Variants in ADAMTSL1 observed in about 807,000 individuals in gnomAD.
ADAMTSL1 encodes the protein ADAMTS-like protein 1.
ADAMTSL1 carries 126 observed loss-of-function variants against 201.8 expected under a neutral mutation model. That is an observed-to-expected ratio of 0.62 (90% CI 0.54 to 0.72). ADAMTSL1 has a LOEUF of 0.72. Ranked by LOEUF, ADAMTSL1 falls within the 30% of genes least tolerant of loss-of-function variation. The pLI is 0.00. For missense variants in ADAMTSL1, 2,679 were observed against 2,277.8 expected (o/e 1.18, Z -3.59); for synonymous variants, 1,121 against 903.4 (o/e 1.24, Z -4.32).
intron 15 of ADAMTSL1, among the ~76,000 whole-genome samples, chr9:18,727,246 G>A (rs138842096): frequency 4.6e-5 from 7 of 152,178 alleles, no homozygotes; most frequent in Non-Finnish European, 8.8e-5. Context: ...TGTTTTAAAG[G>A]TTACTGTTTC....
chr9:18,519,063 G>C (rs1818530719), intron 2 of ADAMTSL1, among the ~76,000 whole-genome samples: 2 of 152,198 alleles, frequency 1.3e-5, no homozygotes, highest in South Asian at 4.2e-4. Context: ...ACTCACCTGT[G>C]AAAATCCTAA....
intron 3 of ADAMTSL1, among the ~76,000 whole-genome samples, chr9:18,542,150 A>G (rs559182347): frequency 6.6e-6 from 1 of 152,344 alleles, no homozygotes; most frequent in South Asian, 2.1e-4. Flanking sequence ...TTTATAATGA[A>G]CACATATTCC....
At chr9:18,074,519 CTT>C (rs758458233) in intron 1 of ADAMTSL1, among the ~76,000 whole-genome samples, 65 of 139,868 alleles carry the variant, frequency 4.6e-4, no homozygotes, top group African/African-American at 1.8e-3. Flanking sequence ...TTCTTCTTTT[CTT>C]TTCTTTTCTT....
At chr9:18,062,795 A>G (rs971957609) in intron 1 of ADAMTSL1, among the ~76,000 whole-genome samples, 3 of 152,186 alleles carry the variant, frequency 2.0e-5, no homozygotes, top group African/African-American at 7.2e-5. Context: ...TTAAAAAATG[A>G]TTTTTAAAAT....
In ADAMTSL1 at chr9:18,799,981, T is replaced by C. The variant is rs563681432; in HGVS notation, c.3805+4457T>C. ...TGAATTTTTCACCCAGCAGTTCTGT[T>C]AACAAAGGAGAGTTTTGCTTCATAA... On this transcript the variant is annotated intron_variant, in intron 20 of 28. Coordinates refer to ENST00000380548, the MANE Select transcript of ADAMTSL1 (RefSeq NM_001040272.6). Among the ~76,000 whole-genome samples the C allele has an allele frequency of 3.9e-5, 6 of 152,298 alleles. No homozygotes were observed. The South Asian group carries it at 1.2e-3, about 32-fold the overall frequency.
At chr9:18,475,803 T>C (rs1371624518) in intron 1 of ADAMTSL1, among the ~76,000 whole-genome samples, 1 of 152,168 alleles carries the variant, frequency 6.6e-6, no homozygotes, top group East Asian at 1.9e-4. Flanking sequence ...TAAAGCAAAT[T>C]ACCAGTATAC....
At chr9:18,708,408 A>C (rs565186519) in intron 14 of ADAMTSL1, among the ~76,000 whole-genome samples, 1 of 152,296 alleles carries the variant, frequency 6.6e-6, no homozygotes, top group South Asian at 2.1e-4. Flanking sequence ...GGTATGTTAA[A>C]ACCTAAATTC....
At chr9:18,834,644 A>G (rs1364235457) in intron 23 of ADAMTSL1, among the ~76,000 whole-genome samples, 1 of 151,986 alleles carries the variant, frequency 6.6e-6, no homozygotes, top group Non-Finnish European at 1.5e-5. Flanking sequence ...CCCCACCACT[A>G]CTGCTCCCAC....
intron 4 of ADAMTSL1, among the ~76,000 whole-genome samples, chr9:18,577,278 G>A (rs1822795871): frequency 6.6e-6 from 1 of 152,148 alleles, no homozygotes; most frequent in Non-Finnish European, 1.5e-5. Context: ...TCGAGGTCCG[G>A]AGTTTGAGAC....
chr9:17,937,782 C>T (rs888525208), intron 1 of ADAMTSL1, among the ~76,000 whole-genome samples: 2 of 152,108 alleles, frequency 1.3e-5, no homozygotes, highest in Non-Finnish European at 2.9e-5. Context: ...AAACATACAA[C>T]TAGAAATTAG....
chr9:18,685,419 T>C (rs1830770774), intron 13 of ADAMTSL1, among the ~76,000 whole-genome samples: 1 of 152,214 alleles, frequency 6.6e-6, no homozygotes, highest in African/African-American at 2.4e-5. Flanking sequence ...ATTAAGTGGA[T>C]GATTGATAAG....
intron 26 of ADAMTSL1, among the ~76,000 whole-genome samples, chr9:18,895,478 C>G (rs1258888039): frequency 6.7e-6 from 1 of 148,694 alleles, no homozygotes; most frequent in Non-Finnish European, 1.5e-5. Context: ...GTGGCAGCCA[C>G]TACTTGTGAA....
intron 1 of ADAMTSL1, among the ~76,000 whole-genome samples, chr9:18,074,532 T>C (rs893706042): frequency 1.4e-5 from 2 of 145,616 alleles, no homozygotes; most frequent in Non-Finnish European, 3.0e-5. Context: ...TTCTTTTCTT[T>C]TCTTCTCTCT....
chr9:18,168,733 G>C (rs558618854), intron 2 of ADAMTSL1, among the ~76,000 whole-genome samples: 1 of 144,446 alleles, frequency 6.9e-6, no homozygotes, highest in African/African-American at 2.5e-5. Flanking sequence ...CTAGTTTACA[G>C]TCCCACCAAC....
chr9:18,101,752 G>A (rs978772659), intron 1 of ADAMTSL1, among the ~76,000 whole-genome samples: 3 of 152,128 alleles, frequency 2.0e-5, no homozygotes, highest in Admixed American at 6.5e-5. Context: ...TATTAGGTTC[G>A]AGTAAGAAGA....
chr9:18,088,404 A>T (rs1022033896), intron 1 of ADAMTSL1, among the ~76,000 whole-genome samples: 4 of 152,236 alleles, frequency 2.6e-5, no homozygotes, highest in African/African-American at 9.6e-5. Flanking sequence ...GTCACACCAC[A>T]TCACACTGAA....
chr9:18,556,168 T>A (rs1821097656), intron 3 of ADAMTSL1, among the ~76,000 whole-genome samples: 1 of 151,916 alleles, frequency 6.6e-6, no homozygotes, highest in South Asian at 2.1e-4. Context: ...GGAAGTTGCC[T>A]CTGTCCAGAA....
At chr9:18,792,651 T>G (rs1383247476) in intron 19 of ADAMTSL1, among the ~76,000 whole-genome samples, 1 of 152,254 alleles carries the variant, frequency 6.6e-6, no homozygotes, top group Admixed American at 6.5e-5. Flanking sequence ...ATTTAGAATT[T>G]TTGTGAAAGC....
At chr9:18,675,030 G>A (rs1379416475) in intron 9 of ADAMTSL1, among the ~76,000 whole-genome samples, 1 of 152,080 alleles carries the variant, frequency 6.6e-6, no homozygotes, top group East Asian at 1.9e-4. Flanking sequence ...AGGCCTCCAG[G>A]AACCTCCACA....
Sources: allele counts gnomAD v4.1 joint callset (sites outside exome capture counted in the v4.1 genomes callset), GRCh38; gene constraint gnomAD v4.1.1; transcripts MANE v1.5; gene names NCBI Gene and HGNC (gene_info 2026-07-23, HGNC 2026-07-21).